The following HPSE2 variants were observed in gnomAD, a reference collection of about 807,000 sequenced individuals.
HPSE2 encodes the protein inactive heparanase-2.
Under a neutral mutation model 60.5 loss-of-function variants are expected in HPSE2, and 38 were observed. The ratio of observed to expected loss-of-function variants is 0.63; its 90% CI spans 0.48 to 0.82. The LOEUF is 0.82. HPSE2 is among the 40% of genes least tolerant of loss of function. The probability of loss-of-function intolerance (pLI) is 0.00; values close to 1 mark genes in which losing one functional copy is unlikely to be tolerated. For synonymous variants in HPSE2, 295 were observed against 293.2 expected, an observed-to-expected ratio of 1.01 and a Z score of -0.06; for missense variants, 713 against 740.4, an observed-to-expected ratio of 0.96 and a Z score of 0.43.
intron 3 of HPSE2, among the ~76,000 whole-genome samples, chr10:99,011,114 T>C (rs1434604240): frequency 1.4e-5 from 2 of 144,512 alleles, no homozygotes; most frequent in Non-Finnish European, 1.5e-5. Flanking sequence ...ATGTGGTATT[T>C]AGTTTTCTGT....
chr10:98,488,637 A>G (rs888036376), intron 10 of HPSE2, among the ~76,000 whole-genome samples: 1 of 152,238 alleles, frequency 6.6e-6, no homozygotes, highest in African/African-American at 2.4e-5. Flanking sequence ...CAACAGGGAT[A>G]TAAGGTGCCA....
intron 3 of HPSE2, among the ~76,000 whole-genome samples, chr10:98,995,018 G>A (rs185298793): frequency 2.0e-5 from 3 of 152,262 alleles, no homozygotes; most frequent in Non-Finnish European, 2.9e-5. Flanking sequence ...ATTCCTGGGG[G>A]TTTCTCTATC....
intron 3 of HPSE2, among the ~76,000 whole-genome samples, chr10:98,761,273 G>A (rs762184997): frequency 1.1e-4 from 17 of 152,012 alleles, no homozygotes; most frequent in African/African-American, 2.9e-4. Flanking sequence ...TAGAAAACCC[G>A]TAGAAAAGAT....
intron 3 of HPSE2, among the ~76,000 whole-genome samples, chr10:99,027,753 C>T (rs191002688): frequency 6.6e-6 from 1 of 150,796 alleles, no homozygotes; most frequent in East Asian, 2.0e-4. Context: ...ATGCAAAAAT[C>T]TTCAACAAAA....
At chr10:98,943,805 A>G (rs1955097970) in intron 3 of HPSE2, among the ~76,000 whole-genome samples, 1 of 152,128 alleles carries the variant, frequency 6.6e-6, no homozygotes, top group African/African-American at 2.4e-5. Flanking sequence ...TTCTAAATGT[A>G]TCCTCCCCAA....
chr10:98,630,358 C>T (rs1385251692), intron 7 of HPSE2, among the ~76,000 whole-genome samples: 3 of 151,988 alleles, frequency 2.0e-5, no homozygotes, highest in Non-Finnish European at 4.4e-5. Flanking sequence ...CCACCACGCC[C>T]AACTAATTTT....
the HPSE2 span, among the ~76,000 whole-genome samples, chr10:99,305,979 G>GCGCGCGCGCGCACACA: frequency 2.7e-4 from 22 of 80,574 alleles, no homozygotes; most frequent in Middle Eastern, 6.3e-3. Flanking sequence ...GCGCGCGCGC[G>GCGCGCGCGCGCACACA]CACACACACA....
intron 2 of HPSE2, among the ~76,000 whole-genome samples, chr10:99,214,971 C>T (rs2133916836): frequency 6.6e-6 from 1 of 152,240 alleles, no homozygotes; most frequent in Middle Eastern, 3.4e-3. Flanking sequence ...GAAATAGTAA[C>T]ATTTTTACAC....
At chr10:99,287,757 A>G in the HPSE2 span, among the ~76,000 whole-genome samples, 1 of 152,202 alleles carries the variant, frequency 6.6e-6, no homozygotes, top group Admixed American at 6.5e-5. Flanking sequence ...CTCAATGTAG[A>G]GATGTATATT....
intron 3 of HPSE2, among the ~76,000 whole-genome samples, chr10:98,752,609 G>C (rs191361082): frequency 6.6e-6 from 1 of 152,294 alleles, no homozygotes; most frequent in Admixed American, 6.5e-5. Context: ...AAACGTGTTA[G>C]TGAAAATGGC....
In HPSE2 at chr10:98,514,522, G is replaced by A. The variant is rs573563414; in HGVS notation, c.1321-24326C>T. On this transcript the variant is annotated intron_variant, in intron 9 of 11. Coordinates refer to ENST00000370552, the MANE Select transcript of HPSE2 (RefSeq NM_021828.5). ...AGTAACTTGGCAATATGTATCAAAAGCCTTAATTGCTGCATACCCATTTCA... is the reference window on the plus strand; with the variant it reads ...AGTAACTTGGCAATATGTATCAAAAACCTTAATTGCTGCATACCCATTTCA... 2.0e-5 allele frequency among the ~76,000 whole-genome samples: 3 copies of A among 152,168 alleles called. No homozygotes were observed. The East Asian group carries it at 5.8e-4, about 29-fold the overall frequency.
At chr10:99,249,782 A>C in the HPSE2 span, among the ~76,000 whole-genome samples, 1 of 152,154 alleles carries the variant, frequency 6.6e-6, no homozygotes, top group African/African-American at 2.4e-5. Context: ...TGATTGGATC[A>C]TGGGGGTGGA....
chr10:98,791,434 G>A (rs1950652196), intron 3 of HPSE2, among the ~76,000 whole-genome samples: 1 of 152,186 alleles, frequency 6.6e-6, no homozygotes, highest in African/African-American at 2.4e-5. Flanking sequence ...TAGAAGCAGT[G>A]AGTACAGACT....
chr10:98,890,024 A>G (rs1953288480), intron 3 of HPSE2, among the ~76,000 whole-genome samples: 4 of 152,250 alleles, frequency 2.6e-5, no homozygotes, highest in Admixed American at 2.0e-4. Flanking sequence ...TCTAATTTTC[A>G]GAATGGCAAA....
intron 5 of HPSE2, among the ~76,000 whole-genome samples, chr10:98,719,334 T>C (rs1948864109): frequency 6.6e-6 from 1 of 152,042 alleles, no homozygotes; most frequent in Non-Finnish European, 1.5e-5. Context: ...TAAACAAATG[T>C]TATCATCAAT....
chr10:98,493,724 T>A (rs1168727774), intron 9 of HPSE2, among the ~76,000 whole-genome samples: 1 of 152,194 alleles, frequency 6.6e-6, no homozygotes, highest in African/African-American at 2.4e-5. Context: ...TTGGATCCTG[T>A]TTTTCTTTTA....
At chr10:98,868,841 T>G (rs1952659920) in intron 3 of HPSE2, among the ~76,000 whole-genome samples, 2 of 152,180 alleles carry the variant, frequency 1.3e-5, no homozygotes, top group African/African-American at 4.8e-5. Context: ...AATACTTCTC[T>G]CTTTGACTAA....
chr10:99,142,404 G>A (rs546260139), intron 3 of HPSE2, among the ~76,000 whole-genome samples: 1 of 152,254 alleles, frequency 6.6e-6, no homozygotes, highest in East Asian at 1.9e-4. Context: ...TTTACCATTG[G>A]TGCTAAACTG....
chr10:99,185,626 T>C (rs553193323), intron 2 of HPSE2, among the ~76,000 whole-genome samples: 1 of 151,700 alleles, frequency 6.6e-6, no homozygotes, highest in East Asian at 2.0e-4. Context: ...TACAAAAAAT[T>C]AGCCGGGCGT....
Sources: allele counts gnomAD v4.1 joint callset (sites outside exome capture counted in the v4.1 genomes callset), GRCh38; gene constraint gnomAD v4.1.1; transcripts MANE v1.5; gene names NCBI Gene and HGNC (gene_info 2026-07-23, HGNC 2026-07-21).